Variants in CHEK1 observed in about 807,000 individuals in gnomAD.
CHEK1 encodes checkpoint kinase 1.
In CHEK1, 32 loss-of-function variants were observed where a neutral mutation model predicts 60.2. The observed-to-expected ratio is 0.53, with a 90% CI of 0.40 to 0.71. The LOEUF is 0.71. Among genes scored for constraint, CHEK1 ranks in the 30% least tolerant of loss-of-function variants. The pLI, the probability that CHEK1 is intolerant of heterozygous loss-of-function variation, is 0.00. For synonymous variants in CHEK1, 179 were observed against 187.2 expected, an observed-to-expected ratio of 0.96 and a Z score of 0.36; for missense variants, 399 against 564.6, an observed-to-expected ratio of 0.71 and a Z score of 2.97.
At chr11:125,658,323 T>C (rs937479570), downstream of CHEK1, among the ~76,000 whole-genome samples, 1 of 152,206 alleles carries the variant, frequency 6.6e-6, no homozygotes, top group Non-Finnish European at 1.5e-5. Flanking sequence ...TGTAATGATA[T>C]ATGTGTGGTG....
chr11:125,645,784 T>C (rs1451797696), intron 11 of CHEK1, among the ~76,000 whole-genome samples: 1 of 152,210 alleles, frequency 6.6e-6, no homozygotes, highest in African/African-American at 2.4e-5. Context: ...AACACACACA[T>C]ATCTGGTAGA....
intron 2 of CHEK1, 147 bp from the exon 3 acceptor site, chr11:125,627,460 T>C (rs1940667658): frequency 9.5e-6 from 6 of 628,376 alleles, no homozygotes; most frequent in Non-Finnish European, 1.7e-5. Context: ...GTAGTGTGTG[T>C]TGAGAACATA....
chr11:125,635,698 C>CT, intron 7 of CHEK1, 165 bp downstream of exon 7: 1 of 453,340 alleles, frequency 2.2e-6, no homozygotes, highest in Admixed American at 4.0e-5. Context: ...AAAAATAACT[C>CT]TTTAGTCCCA....
rs1941873076 is a variant in CHEK1 at position 125,655,306 on chromosome 11, C to T, written c.1417C>T (p.Leu473Phe). The change falls in exon 13 of 13, where the codon CTT becomes TTT. Residue 473 changes from leucine to phenylalanine, a missense_variant. Around this residue, in one of 2 missense-constraint regions of CHEK1, gnomAD observed 29 missense variants for 69.8 expected, o/e 0.42. Coordinates refer to ENST00000438015, the MANE Select transcript of CHEK1 (RefSeq NM_001114122.3). ...IDIVSSQKIW[L>F]PAT ...TATTGTGAGCAGCCAGAAGATTTGG[C>T]TTCCTGCCACATGATCGGACCATCG... The T allele has an allele frequency of 1.2e-6, 2 of 1,611,762 alleles. No homozygotes were observed. Among genetic ancestry groups the T allele is most frequent in the Non-Finnish European group, 1.7e-6 (2 of 1,177,994 alleles).
intron 5 of CHEK1, 136 bp downstream of exon 5, chr11:125,629,596 T>G (rs1354383392): frequency 3.0e-6 from 2 of 659,298 alleles, no homozygotes; most frequent in Admixed American, 3.2e-5. Flanking sequence ...CAAGACAAGA[T>G]CTGAAAAATC....
chr11:125,680,668 C>T, downstream of CHEK1: 1 of 1,461,888 alleles, frequency 6.8e-7, no homozygotes, highest in South Asian at 1.2e-5. Flanking sequence ...TTCTTCAAGG[C>T]CTGAAATGTC....
chr11:125,658,172 A>C (rs1338842122), downstream of CHEK1, among the ~76,000 whole-genome samples: 1 of 152,052 alleles, frequency 6.6e-6, no homozygotes, highest in Non-Finnish European at 1.5e-5. Context: ...AGGCTCAAGC[A>C]ATCCTCCTGC....
chr11:125,657,807 T>C (rs1941947110), downstream of CHEK1, among the ~76,000 whole-genome samples: 1 of 152,190 alleles, frequency 6.6e-6, no homozygotes. Context: ...ACATGTTCAT[T>C]TGTTTTGCTA....
At position 125,629,290 on chromosome 11, in the gene CHEK1, A is replaced by G; in HGVS notation, c.348A>G (p.Ala116=). 1 of 1,614,084 alleles carries G rather than the reference A, an allele frequency of 6.2e-7. No individual in the cohort carries two copies. The stretch of plus-strand genomic sequence containing the variant: ...AGAGATTCTTCCATCAACTCATGGC[A>G]GGGGTGGTAGGTATAGTTGTCTATT... ...DAQRFFHQLM[A]GVVYLHGIGI... The change falls in exon 4 of 13, where the codon GCA becomes GCG. Residue 116 remains alanine, a synonymous_variant. Coordinates refer to ENST00000438015, the MANE Select transcript of CHEK1 (RefSeq NM_001114122.3).
In CHEK1 at chr11:125,627,764, A is replaced by G; in HGVS notation, c.223A>G (p.Arg75Gly). The change falls in exon 3 of 13, where the codon AGA (arginine) becomes GGA (glycine). Residue 75 changes from arginine to glycine, a missense_variant. Coordinates refer to ENST00000438015, the MANE Select transcript of CHEK1 (RefSeq NM_001114122.3). ...ENVVKFYGHR[R>G]EGNIQYLFLE... ...TGTAGTAAAATTCTATGGTCACAGG[A>G]GAGAAGGCAATATCCAATATTTATT... 1 of 1,613,292 alleles carries G rather than the reference A, an allele frequency of 6.2e-7. No individual in the cohort carries two copies. The highest frequency in any genetic ancestry group is 1.1e-5 in the South Asian group (1 of 91,052).
At chr11:125,626,977 AT>A (rs34306339) in intron 2 of CHEK1, 144 bp downstream of exon 2, 9 of 844,858 alleles carry the variant, frequency 1.1e-5, no homozygotes, top group African/African-American at 1.0e-4. Flanking sequence ...AGGATTAAAA[AT>A]TTTTTCCTTC....
intron 13 of CHEK1, among the ~76,000 whole-genome samples, chr11:125,665,225 GT>G (rs71279470): frequency 1.3e-3 from 151 of 120,478 alleles, no homozygotes; most frequent in East Asian, 2.0e-3. Flanking sequence ...CTCCAGCTTT[GT>G]TTTTTTTTTT....
At position 125,656,311 on chromosome 11, in the gene CHEK1, A is replaced by G. The variant is rs2136069119; in HGVS notation, c.*991A>G. ...GGCTGTAGTGAGCTATGATTGCACC[A>G]GTGCACTCCAGCTTGGATGACAGAG... On this transcript the variant is annotated 3_prime_UTR_variant, in exon 13 of 13. Coordinates refer to ENST00000438015, the MANE Select transcript of CHEK1 (RefSeq NM_001114122.3). 4.7e-6 allele frequency: 1 copy of G among 212,080 alleles called. No homozygotes were observed. The highest frequency in any genetic ancestry group is 1.9e-4 in the South Asian group (1 of 5,318). 13.1% of individuals were successfully genotyped at this position (212,080 alleles called of 1,614,324 possible).
chr11:125,676,284 C>T, downstream of CHEK1: 1 of 1,553,624 alleles, frequency 6.4e-7, no homozygotes, highest in Non-Finnish European at 8.8e-7. Context: ...GGGCCCCTGT[C>T]ATTCCAACTG....
chr11:125,678,155 T>C (rs771600640), downstream of CHEK1: 2 of 1,614,154 alleles, frequency 1.2e-6, no homozygotes, highest in Admixed American at 3.3e-5. Context: ...CATGCTCACT[T>C]AAAGTGTTCA....
downstream of CHEK1, among the ~76,000 whole-genome samples, chr11:125,659,231 G>A (rs1941971176): frequency 6.6e-6 from 1 of 151,274 alleles, no homozygotes; most frequent in Admixed American, 6.6e-5. Context: ...CATAATAATC[G>A]ATTGATGTCT....
chr11:125,661,389 G>A (rs187395381), downstream of CHEK1, among the ~76,000 whole-genome samples: 2 of 152,028 alleles, frequency 1.3e-5, no homozygotes, highest in Admixed American at 1.3e-4. Flanking sequence ...TCAGCTCACT[G>A]CCACCTCTGC....
At chr11:125,675,482 A>G (rs927800969) in intron 13 of CHEK1, among the ~76,000 whole-genome samples, 1 of 152,186 alleles carries the variant, frequency 6.6e-6, no homozygotes, top group Non-Finnish European at 1.5e-5. Flanking sequence ...GAAATAGGAA[A>G]ATGACATTTC....
At chr11:125,640,198 G>A (rs1158651891) in intron 8 of CHEK1, among the ~76,000 whole-genome samples, 3 of 152,180 alleles carry the variant, frequency 2.0e-5, no homozygotes, top group African/African-American at 4.8e-5. Context: ...GTGGTCAACC[G>A]AGGTCTGAAA....
Sources: gnomAD v4.1 joint callset for allele counts (sites outside exome capture counted in the v4.1 genomes callset) on GRCh38, gnomAD v4.1.1 for gene constraint, gnomAD v4.1.1 regional missense constraint, MANE v1.5 for transcripts, NCBI Gene and HGNC (gene_info 2026-07-23, HGNC 2026-07-21) for gene names.